Variants in NPAS3 observed in about 807,000 individuals in gnomAD.
The protein encoded by NPAS3 is neuronal PAS domain protein 3.
Under a neutral mutation model 73.1 loss-of-function variants are expected in NPAS3, and 14 were observed. The observed-to-expected ratio is 0.19, with a 90% CI of 0.13 to 0.30. The LOEUF (loss-of-function observed/expected upper bound fraction) is 0.30. Ranked by LOEUF, NPAS3 falls within the 10% of genes least tolerant of loss-of-function variation. The pLI is 1.00. For synonymous variants in NPAS3, 620 were observed against 541.5 expected (o/e 1.14, Z -2.01); for missense variants, 1,096 against 1,250.0 (o/e 0.88, Z 1.86).
chr14:33,026,447 A>T lies in NPAS3; in HGVS notation c.51-29458A>T, dbSNP rs569879598. Among the ~76,000 whole-genome samples the T allele has an allele frequency of 2.6e-5, 4 of 152,128 alleles. No homozygotes were observed. In the South Asian group the frequency reaches 8.3e-4, roughly 32 times the overall value. ...TTTCTGGTCCAGTAGCTATTCAGTT[A>T]ACTTCGGTTCATGTGAATGGTTTGG... On this transcript the variant is annotated intron_variant, in intron 1 of 11. Transcript: ENST00000356141.
chr14:33,612,326 AG>A, intron 5 of NPAS3: 2 of 447,430 alleles, frequency 4.5e-6, no homozygotes, highest in East Asian at 1.4e-4. Flanking sequence ...CAACACATCC[AG>A]CTGAGCCCCT....
At chr14:33,551,261 G>T (rs996679358) in intron 4 of NPAS3, among the ~76,000 whole-genome samples, 1 of 152,118 alleles carries the variant, frequency 6.6e-6, no homozygotes, top group Non-Finnish European at 1.5e-5. Flanking sequence ...TCTCTAAATG[G>T]TCTTTTAATA....
intron 1 of NPAS3, among the ~76,000 whole-genome samples, chr14:33,007,340 C>T (rs149045710): frequency 7.2e-5 from 11 of 152,114 alleles, no homozygotes; most frequent in South Asian, 2.1e-4. Flanking sequence ...TCAAATATTA[C>T]GAAATACTAC....
intron 6 of NPAS3, among the ~76,000 whole-genome samples, chr14:33,687,262 A>C (rs2060116274): frequency 6.6e-6 from 1 of 152,164 alleles, no homozygotes; most frequent in African/African-American, 2.4e-5. Context: ...AATTTTGAAA[A>C]TTACAAAATT....
chr14:33,645,681 C>T (rs1180196119), intron 5 of NPAS3, among the ~76,000 whole-genome samples: 3 of 152,168 alleles, frequency 2.0e-5, no homozygotes, highest in South Asian at 2.1e-4. Flanking sequence ...ATGGAGCTGC[C>T]ACTTGACCGA....
At chr14:33,692,611 T>C (rs1408627531) in intron 6 of NPAS3, among the ~76,000 whole-genome samples, 1 of 152,028 alleles carries the variant, frequency 6.6e-6, no homozygotes, top group Non-Finnish European at 1.5e-5. Context: ...ACAGAAAAGA[T>C]TAATTTGGTT....
chr14:33,249,588 C>T (rs1195980622), intron 3 of NPAS3, among the ~76,000 whole-genome samples: 1 of 152,092 alleles, frequency 6.6e-6, no homozygotes, highest in Non-Finnish European at 1.5e-5. Flanking sequence ...CTAACTCTTT[C>T]CTTCTTCCTG....
intron 2 of NPAS3, among the ~76,000 whole-genome samples, chr14:33,071,829 AG>A (rs1486800146): frequency 5.9e-5 from 9 of 152,190 alleles, no homozygotes; most frequent in Admixed American, 6.5e-5. Context: ...TAGTCATGCT[AG>A]TTAGAGCTGT....
At chr14:32,970,739 T>G (rs2037385125) in intron 1 of NPAS3, among the ~76,000 whole-genome samples, 1 of 152,220 alleles carries the variant, frequency 6.6e-6, no homozygotes, top group Non-Finnish European at 1.5e-5. Flanking sequence ...ACTCCTTGGC[T>G]TCTTGATGCC....
chr14:33,483,435 G>A (rs545458766), intron 4 of NPAS3, among the ~76,000 whole-genome samples: 11 of 152,192 alleles, frequency 7.2e-5, no homozygotes, highest in South Asian at 4.2e-4. Flanking sequence ...TTATCTATCC[G>A]GAGCAAGAGA....
At chr14:33,230,027 T>A (rs1235783482) in intron 3 of NPAS3, among the ~76,000 whole-genome samples, 3 of 152,190 alleles carry the variant, frequency 2.0e-5, no homozygotes, top group Non-Finnish European at 4.4e-5. Context: ...TTTTCAGACC[T>A]GTGATGCCTG....
rs116412199 is a variant in NPAS3 at position 33,367,630 on chromosome 14, A to T, written c.468+362A>T. Among the ~76,000 whole-genome samples, 374 of 151,688 alleles carry T rather than the reference A, an allele frequency of 2.5e-3. 2 individuals are homozygous for T. Among genetic ancestry groups the T allele is most frequent in the African/African-American group, 8.4e-3 (348 of 41,336 alleles). On this transcript the variant is annotated intron_variant, in intron 4 of 11. Transcript: ENST00000356141. ...AGCTATATATTGTTTTTGGAAGAGCAAAGTTTTGTTGTGAAAGTACTGTGA... is the reference window on the plus strand; with the variant it reads ...AGCTATATATTGTTTTTGGAAGAGCTAAGTTTTGTTGTGAAAGTACTGTGA...
At chr14:33,219,196 A>G (rs532417030) in intron 3 of NPAS3, among the ~76,000 whole-genome samples, 2 of 152,342 alleles carry the variant, frequency 1.3e-5, no homozygotes, top group South Asian at 2.1e-4. Flanking sequence ...CTCCATTCAT[A>G]GTAATCTCTA....
At chr14:33,213,213 G>GCCCC (rs1312941672) in intron 2 of NPAS3, among the ~76,000 whole-genome samples, 1 of 140,832 alleles carries the variant, frequency 7.1e-6, no homozygotes, top group Admixed American at 7.5e-5. Flanking sequence ...CTGCTCTAGA[G>GCCCC]CCCCATCATA....
chr14:33,348,652 A>G (rs1207282348), intron 3 of NPAS3, among the ~76,000 whole-genome samples: 1 of 152,198 alleles, frequency 6.6e-6, no homozygotes, highest in African/African-American at 2.4e-5. Context: ...GAATTCTACT[A>G]CAAAAGCTCC....
intron 6 of NPAS3, among the ~76,000 whole-genome samples, chr14:33,695,193 A>G (rs2060342508): frequency 6.6e-6 from 1 of 152,162 alleles, no homozygotes; most frequent in South Asian, 2.1e-4. Context: ...TTCCATAATA[A>G]TTCACAGTAT....
At chr14:33,760,877 C>T (rs1265707180) in intron 7 of NPAS3, among the ~76,000 whole-genome samples, 1 of 152,142 alleles carries the variant, frequency 6.6e-6, no homozygotes, top group Non-Finnish European at 1.5e-5. Context: ...TGAGGTTGTG[C>T]CTGAAGAAGT....
At chr14:33,672,369 AG>A (rs1347042523) in intron 5 of NPAS3, among the ~76,000 whole-genome samples, 1 of 152,214 alleles carries the variant, frequency 6.6e-6, no homozygotes, top group Non-Finnish European at 1.5e-5. Context: ...ATCAAGTACA[AG>A]TAAAAGAAAT....
At chr14:33,473,557 G>T (rs1163115248) in intron 4 of NPAS3, among the ~76,000 whole-genome samples, 2 of 152,198 alleles carry the variant, frequency 1.3e-5, no homozygotes, top group African/African-American at 4.8e-5. Flanking sequence ...GAGACACAAA[G>T]ATGGGCAGAA....
Sources: allele counts gnomAD v4.1 joint callset (sites outside exome capture counted in the v4.1 genomes callset), GRCh38; gene constraint gnomAD v4.1.1; transcripts MANE v1.5; gene names NCBI Gene and HGNC (gene_info 2026-07-23, HGNC 2026-07-21).